The following ENTHD1 variants were observed in gnomAD, a reference collection of about 807,000 sequenced individuals.
The protein encoded by ENTHD1 is ENTH domain-containing protein 1.
Under a neutral mutation model 39.1 loss-of-function variants are expected in ENTHD1, and 23 were observed. The observed-to-expected ratio is 0.59, with a 90% CI of 0.42 to 0.83. The LOEUF is 0.83. Among genes scored for constraint, ENTHD1 ranks in the 40% least tolerant of loss-of-function variants. The pLI is 0.00. For synonymous variants in ENTHD1, 230 were observed against 258.2 expected, an observed-to-expected ratio of 0.89 and a Z score of 1.05; for missense variants, 624 against 705.4, an observed-to-expected ratio of 0.88 and a Z score of 1.31.
intron 4 of ENTHD1, among the ~76,000 whole-genome samples, chr22:39,824,219 T>A (rs1402153337): frequency 7.1e-6 from 1 of 141,172 alleles, no homozygotes; most frequent in Non-Finnish European, 1.5e-5. Context: ...TTTTTTTTTT[T>A]TTTTTTTTGA....
At chr22:39,838,204 A>T (rs146460060) in intron 3 of ENTHD1, among the ~76,000 whole-genome samples, 47 of 152,264 alleles carry the variant, frequency 3.1e-4, no homozygotes, top group Admixed American at 2.0e-3. Flanking sequence ...ATTAATAGTT[A>T]TTTAATAAAT....
At chr22:39,884,760 G>C (rs1345788496) in intron 2 of ENTHD1, among the ~76,000 whole-genome samples, 1 of 151,998 alleles carries the variant, frequency 6.6e-6, no homozygotes, top group Non-Finnish European at 1.5e-5. Context: ...AACTCAACAG[G>C]GAAAAAATGG....
chr22:39,762,292 TA>T (rs2065240720), intron 6 of ENTHD1, among the ~76,000 whole-genome samples: 1 of 152,222 alleles, frequency 6.6e-6, no homozygotes. Context: ...TTTTCATTGA[TA>T]ACTTTCCAGC....
At chr22:39,859,594 G>A (rs375290978) in intron 3 of ENTHD1, among the ~76,000 whole-genome samples, 1 of 152,030 alleles carries the variant, frequency 6.6e-6, no homozygotes. Context: ...GAGAGAGATC[G>A]GGATCAGTGA....
intron 3 of ENTHD1, among the ~76,000 whole-genome samples, chr22:39,851,791 G>T (rs2066042395): frequency 6.6e-6 from 1 of 152,158 alleles, no homozygotes; most frequent in South Asian, 2.1e-4. Context: ...CACATGTACT[G>T]TTCTTATTTT....
intron 5 of ENTHD1, among the ~76,000 whole-genome samples, chr22:39,779,878 A>G (rs964014714): frequency 2.6e-5 from 4 of 152,194 alleles, no homozygotes; most frequent in South Asian, 2.1e-4. Context: ...ATAACTTGTT[A>G]TATCTATAAG....
At chr22:39,760,385 C>CT (rs1446737935) in intron 6 of ENTHD1, among the ~76,000 whole-genome samples, 1 of 151,832 alleles carries the variant, frequency 6.6e-6, no homozygotes, top group African/African-American at 2.4e-5. Context: ...ATGAAATGTT[C>CT]TTTTTTAGTA....
chr22:39,765,126 G>A (rs2065264317), intron 6 of ENTHD1, 97 bp downstream of exon 6: 1 of 1,433,024 alleles, frequency 7.0e-7, no homozygotes, highest in Admixed American at 2.8e-5. Context: ...ACAAAAAAAG[G>A]AGACAGAAAG....
chr22:39,876,099 T>C (rs1199960832), intron 2 of ENTHD1: 1 of 1,605,004 alleles, frequency 6.2e-7, no homozygotes, highest in Non-Finnish European at 8.5e-7. Context: ...AGTGACGATA[T>C]GGTGATTGTT....
chr22:39,747,640 C>T (rs189329294), intron 6 of ENTHD1, among the ~76,000 whole-genome samples: 3 of 151,982 alleles, frequency 2.0e-5, no homozygotes, highest in East Asian at 1.9e-4. Flanking sequence ...AATCTTTACC[C>T]GAAAAGAGAT....
At chr22:39,755,142 G>A (rs1390170912) in intron 6 of ENTHD1, among the ~76,000 whole-genome samples, 1 of 152,138 alleles carries the variant, frequency 6.6e-6, no homozygotes, top group Non-Finnish European at 1.5e-5. Context: ...TTTCAGTTGG[G>A]AAGAAATATT....
intron 6 of ENTHD1, among the ~76,000 whole-genome samples, chr22:39,746,117 T>C (rs1169184970): frequency 6.6e-6 from 1 of 152,132 alleles, no homozygotes; most frequent in Non-Finnish European, 1.5e-5. Context: ...GTTTTCTCTG[T>C]TGTCTCTTTC....
At chr22:39,764,316 CA>C (rs1050403253) in intron 6 of ENTHD1, among the ~76,000 whole-genome samples, 3 of 151,844 alleles carry the variant, frequency 2.0e-5, no homozygotes, top group African/African-American at 7.3e-5. Flanking sequence ...TCCACACACA[CA>C]AAAATAAAAT....
chr22:39,751,514 G>GT (rs926319074), intron 6 of ENTHD1, among the ~76,000 whole-genome samples: 1 of 152,148 alleles, frequency 6.6e-6, no homozygotes. Context: ...ATGTACAGAT[G>GT]TTTTTTTCTT....
chr22:39,880,237 C>T (rs2066326467), intron 2 of ENTHD1, among the ~76,000 whole-genome samples: 1 of 152,018 alleles, frequency 6.6e-6, no homozygotes, highest in South Asian at 2.1e-4. Flanking sequence ...AAAAAGGGTA[C>T]ATGTTAAATG....
chr22:39,859,544 T>A (rs1223800702), intron 3 of ENTHD1, among the ~76,000 whole-genome samples: 2 of 152,100 alleles, frequency 1.3e-5, no homozygotes, highest in African/African-American at 4.8e-5. Context: ...TTAATTTCAA[T>A]ATTGTTGACC....
intron 6 of ENTHD1, chr22:39,751,310 A>G (rs2065145849): frequency 6.5e-6 from 1 of 153,628 alleles, no homozygotes; most frequent in Non-Finnish European, 1.5e-5. Flanking sequence ...TACACTTAGA[A>G]GGAGAGACCA....
chr22:39,886,017 A>G (rs2066376165), intron 2 of ENTHD1, among the ~76,000 whole-genome samples: 1 of 152,112 alleles, frequency 6.6e-6, no homozygotes, highest in Non-Finnish European at 1.5e-5. Context: ...GTACACCTTA[A>G]ATGGGTGAAT....
At chr22:39,758,654 G>C (rs1225006320) in intron 6 of ENTHD1, among the ~76,000 whole-genome samples, 1 of 152,060 alleles carries the variant, frequency 6.6e-6, no homozygotes. Flanking sequence ...TTGAACTCCT[G>C]GCCTCAACTG....
Sources: gnomAD v4.1 joint callset for allele counts (sites outside exome capture counted in the v4.1 genomes callset) on GRCh38, gnomAD v4.1.1 for gene constraint, MANE v1.5 for transcripts, NCBI Gene and HGNC (gene_info 2026-07-23, HGNC 2026-07-21) for gene names.